Variants in RCAN1 observed in about 807,000 individuals in gnomAD.
RCAN1 encodes the protein calcipressin-1.
Under a neutral mutation model 22.9 loss-of-function variants are expected in RCAN1, and 11 were observed. The ratio of observed to expected loss-of-function variants is 0.48; its 90% CI spans 0.30 to 0.79. The LOEUF (loss-of-function observed/expected upper bound fraction) is 0.79, where lower values mean the gene tolerates loss of function less well. Ranked by LOEUF, RCAN1 falls within the 30% of genes least tolerant of loss-of-function variation. The pLI is 0.06. For synonymous variants in RCAN1, 136 were observed against 142.3 expected (o/e 0.96, Z 0.32); for missense variants, 291 against 337.8 (o/e 0.86, Z 1.09).
At chr21:34,592,426 G>T (rs1014026497) in intron 1 of RCAN1, among the ~76,000 whole-genome samples, 1 of 152,208 alleles carries the variant, frequency 6.6e-6, no homozygotes, top group Non-Finnish European at 1.5e-5. Flanking sequence ...TCAGGGCTGG[G>T]CTGCTGTTCT....
At chr21:34,595,953 C>T (rs995210904) in intron 1 of RCAN1, among the ~76,000 whole-genome samples, 7 of 152,226 alleles carry the variant, frequency 4.6e-5, no homozygotes, top group African/African-American at 1.7e-4. Flanking sequence ...GATAAGCCTG[C>T]CTCAAGGATT....
chr21:34,529,604 C>T (rs1022442918), intron 1 of RCAN1, among the ~76,000 whole-genome samples: 5 of 152,184 alleles, frequency 3.3e-5, no homozygotes, highest in South Asian at 4.1e-4. Flanking sequence ...AGAATAAAAA[C>T]GGATCCAAAG....
At chr21:34,564,934 TCA>T (rs1986947835) in intron 1 of RCAN1, among the ~76,000 whole-genome samples, 1 of 152,142 alleles carries the variant, frequency 6.6e-6, no homozygotes, top group Non-Finnish European at 1.5e-5. Context: ...GTGTGGTGGC[TCA>T]CACCTGGAAT....
At chr21:34,540,573 C>A (rs927314028) in intron 1 of RCAN1, among the ~76,000 whole-genome samples, 1 of 152,150 alleles carries the variant, frequency 6.6e-6, no homozygotes, top group Admixed American at 6.5e-5. Flanking sequence ...GTAGACCAAG[C>A]CAGAGACCCT....
intron 1 of RCAN1, among the ~76,000 whole-genome samples, chr21:34,613,293 T>C (rs1459927048): frequency 6.6e-6 from 1 of 152,260 alleles, no homozygotes; most frequent in Non-Finnish European, 1.5e-5. Flanking sequence ...TACTTTCTGA[T>C]ACATTTGATA....
intron 1 of RCAN1, among the ~76,000 whole-genome samples, chr21:34,592,162 A>C (rs1024618938): frequency 6.6e-6 from 1 of 152,244 alleles, no homozygotes; most frequent in Non-Finnish European, 1.5e-5. Context: ...AAACTACGCA[A>C]GTGCACTCCA....
At chr21:34,580,393 T>A (rs1323794031) in intron 1 of RCAN1, among the ~76,000 whole-genome samples, 2 of 152,220 alleles carry the variant, frequency 1.3e-5, no homozygotes, top group Non-Finnish European at 2.9e-5. Flanking sequence ...GGAAACTGGC[T>A]GGCACGGGTG....
intron 1 of RCAN1, among the ~76,000 whole-genome samples, chr21:34,561,286 A>G (rs537102349): frequency 6.6e-6 from 1 of 152,300 alleles, no homozygotes; most frequent in Admixed American, 6.5e-5. Flanking sequence ...CTGTGTTGAC[A>G]TCATGATCAG....
At chr21:34,611,629 C>T (rs553767241) in intron 1 of RCAN1, among the ~76,000 whole-genome samples, 5 of 152,164 alleles carry the variant, frequency 3.3e-5, no homozygotes, top group Non-Finnish European at 5.9e-5. Flanking sequence ...AAGGAGGGGA[C>T]GGCCAGACCC....
At chr21:34,548,054 A>G (rs546656679) in intron 1 of RCAN1, among the ~76,000 whole-genome samples, 163 of 152,310 alleles carry the variant, frequency 1.1e-3, no homozygotes, top group Middle Eastern at 6.8e-3. Flanking sequence ...CCATGCTGGC[A>G]GCCTAACCTC....
chr21:34,601,211 G>A (rs1056332513), intron 1 of RCAN1, among the ~76,000 whole-genome samples: 2 of 152,224 alleles, frequency 1.3e-5, no homozygotes, highest in Non-Finnish European at 2.9e-5. Context: ...TGTAGACACT[G>A]TAATTTCTGC....
At chr21:34,530,686 G>T (rs912814134) in intron 1 of RCAN1, among the ~76,000 whole-genome samples, 8 of 138,506 alleles carry the variant, frequency 5.8e-5, no homozygotes, top group Admixed American at 5.0e-4. Context: ...GTGCAATGGC[G>T]TGATCTTGGC....
At chr21:34,534,150 G>A (rs920224963) in intron 1 of RCAN1, among the ~76,000 whole-genome samples, 1 of 152,110 alleles carries the variant, frequency 6.6e-6, no homozygotes, top group Non-Finnish European at 1.5e-5. Flanking sequence ...AAGGGGCGAG[G>A]GGGAAGCAAG....
chr21:34,540,198 C>T (rs188994576), intron 1 of RCAN1, among the ~76,000 whole-genome samples: 11 of 152,316 alleles, frequency 7.2e-5, no homozygotes, highest in African/African-American at 2.2e-4. Flanking sequence ...TATATAAGGC[C>T]TTCCCAGAGA....
rs534495001 is a variant in RCAN1, at chr21:34,518,575, T to C, written c.587-319A>G. The stretch of plus-strand genomic sequence containing the variant: ...TCTAAACTACCCAGAGAACTCCCTT[T>C]CTGTCAGCATTTCCTCAAGTGTGAA... On this transcript the variant is annotated intron_variant, in intron 3 of 3. Coordinates refer to ENST00000313806, the MANE Select transcript of RCAN1 (RefSeq NM_004414.7). The surrounding 1 kb of genome is among the most constrained non-coding windows in gnomAD (Gnocchi z 4.2). 6.6e-6 allele frequency among the ~76,000 whole-genome samples: 1 copy of C among 152,356 alleles called. No individual in the cohort carries two copies. The highest frequency in any genetic ancestry group is 2.1e-4 in the South Asian group (1 of 4,828).
At chr21:34,583,720 A>G (rs560798502) in intron 1 of RCAN1, among the ~76,000 whole-genome samples, 1 of 152,132 alleles carries the variant, frequency 6.6e-6, no homozygotes, top group African/African-American at 2.4e-5. Flanking sequence ...TAAGCCCCCA[A>G]TCTGTGGTAT....
intron 1 of RCAN1, among the ~76,000 whole-genome samples, chr21:34,606,595 G>C (rs1240556021): frequency 6.6e-6 from 1 of 152,180 alleles, no homozygotes; most frequent in Non-Finnish European, 1.5e-5. Flanking sequence ...CATCCCCCAA[G>C]TCCAAATGCA....
chr21:34,557,931 T>C (rs527610294), intron 1 of RCAN1, among the ~76,000 whole-genome samples: 92 of 152,304 alleles, frequency 6.0e-4, no homozygotes, highest in African/African-American at 2.1e-3. Context: ...GAACTAAGGC[T>C]ACATGTTGTG....
At chr21:34,607,026 C>T (rs939093029) in intron 1 of RCAN1, among the ~76,000 whole-genome samples, 6 of 152,170 alleles carry the variant, frequency 3.9e-5, no homozygotes, top group African/African-American at 9.7e-5. Context: ...GTCTCTTAAT[C>T]GTGAATTCAG....
Sources: gnomAD v4.1 joint callset for allele counts (sites outside exome capture counted in the v4.1 genomes callset) on GRCh38, gnomAD v4.1.1 for gene constraint, Gnocchi (gnomAD v3.1) non-coding constraint, MANE v1.5 for transcripts, NCBI Gene and HGNC (gene_info 2026-07-23, HGNC 2026-07-21) for gene names.